Variants in ADAMTSL2 observed in about 807,000 individuals in gnomAD.
ADAMTSL2 encodes ADAMTS-like protein 2.
In ADAMTSL2, 55 loss-of-function variants were observed where a neutral mutation model predicts 117.0. The ratio of observed to expected loss-of-function variants is 0.47; its 90% CI spans 0.38 to 0.59. The LOEUF (loss-of-function observed/expected upper bound fraction) is 0.59, where lower values mean the gene tolerates loss of function less well. Ranked by LOEUF, ADAMTSL2 falls within the 20% of genes least tolerant of loss-of-function variation. The pLI, the probability that ADAMTSL2 is intolerant of heterozygous loss-of-function variation, is 0.00. For synonymous variants in ADAMTSL2, 572 were observed against 566.4 expected, an observed-to-expected ratio of 1.01 and a Z score of -0.14; for missense variants, 1,182 against 1,354.5, an observed-to-expected ratio of 0.87 and a Z score of 2.00.
chr9:133,549,322 C>T (rs193240553), intron 9 of ADAMTSL2, among the ~76,000 whole-genome samples: 15 of 151,656 alleles, frequency 9.9e-5, no homozygotes, highest in African/African-American at 3.4e-4. Flanking sequence ...CCTTCTTCTG[C>T]GACGCCCTCT....
At chr9:133,549,585 A>C (rs1440986626) in intron 9 of ADAMTSL2, among the ~76,000 whole-genome samples, 1 of 132,636 alleles carries the variant, frequency 7.5e-6, no homozygotes, top group African/African-American at 2.9e-5. Context: ...GGGTCTTGCT[A>C]TGTTGTCCAG....
chr9:133,539,539 C>T (rs775647509), intron 4 of ADAMTSL2, among the ~76,000 whole-genome samples: 12 of 141,744 alleles, frequency 8.5e-5, no homozygotes, highest in East Asian at 4.4e-4. Flanking sequence ...CTAGAGTAGG[C>T]GGAGGGCTGG....
rs761886575 is a variant in ADAMTSL2, at chr9:133,540,684, G to A, written c.499G>A (p.Asp167Asn). 24 of 1,613,682 alleles carry A rather than the reference G, an allele frequency of 1.5e-5. No individual in the cohort carries two copies. Among genetic ancestry groups the A allele is most frequent in the South Asian group, 2.2e-5 (2 of 91,088 alleles). Residue 167 changes from aspartate to asparagine, a missense_variant, in exon 6 of 19, where the codon GAC (aspartate) becomes AAC (asparagine). Physicochemically the swap from Asp to Asn is conservative, Grantham distance 23 (BLOSUM62 1). Coordinates refer to ENST00000651351, the MANE Select transcript of ADAMTSL2 (RefSeq NM_014694.4). ...GCGGCAGCTCATGGTCCCCGCCCGC[G>A]ACGGCACATCCTGCAAGCTCACTGA... ...GQRQLMVPAR[D>N]GTSCKLTDLR... is the part of the protein sequence containing the mutation.
chr9:133,556,833 C>T (rs1338541764), intron 11 of ADAMTSL2, among the ~76,000 whole-genome samples: 5 of 152,196 alleles, frequency 3.3e-5, no homozygotes, highest in African/African-American at 1.2e-4. Flanking sequence ...CCTGTCGTGT[C>T]CCTACTGGAG....
chr9:133,533,868 G>T (rs1367765706), upstream of ADAMTSL2, among the ~76,000 whole-genome samples: 1 of 152,234 alleles, frequency 6.6e-6, no homozygotes, highest in Non-Finnish European at 1.5e-5. Context: ...GTTTGCCGAG[G>T]ATGGGCTCTG....
chr9:133,561,400 C>A, intron 12 of ADAMTSL2, 105 bp downstream of exon 12: 1 of 1,062,630 alleles, frequency 9.4e-7, no homozygotes, highest in Non-Finnish European at 1.4e-6. Context: ...CCCCAAACTG[C>A]CCTCGGGGTG....
At chr9:133,566,904 G>A in intron 12 of ADAMTSL2, 32 bp from the exon 13 acceptor site, 1 of 1,594,138 alleles carries the variant, frequency 6.3e-7, no homozygotes, top group Non-Finnish European at 8.5e-7. Flanking sequence ...GTGCCGGCAT[G>A]GCTCACAGAC....
rs752829560 is a variant in ADAMTSL2 at position 133,547,252 on chromosome 9, GGGCACTGTT to G, written c.939+40_939+48del. 12 of 1,593,148 alleles carry G rather than the reference GGGCACTGTT, an allele frequency of 7.5e-6. No individual in the cohort carries two copies. In the East Asian group the frequency reaches 2.5e-4, roughly 33 times the overall value. Reference sequence around the variant, plus strand: ...AGGCCTTGGGGGCCCCAGGGGCCCTGGGCACTGTTTCCCCAGAATCCAGCCACAGGTGAG... The same window carrying G: ...AGGCCTTGGGGGCCCCAGGGGCCCTGTCCCCAGAATCCAGCCACAGGTGAG... On this transcript the variant is annotated intron_variant, in intron 9 of 18. Transcript: ENST00000651351.
intron 7 of ADAMTSL2, among the ~76,000 whole-genome samples, chr9:133,544,126 C>T (rs975090356): frequency 7.9e-5 from 12 of 152,338 alleles, no homozygotes; most frequent in East Asian, 5.8e-4. Context: ...GGGGCTCCAT[C>T]GGCTGCCCAG....
Position 133,568,306 on chromosome 9 carries a change from C to A in ADAMTSL2, c.1908C>A (p.Arg636=). 1 of 1,577,192 alleles carries A rather than the reference C, an allele frequency of 6.3e-7. No individual in the cohort carries two copies. The highest frequency in any genetic ancestry group is 8.6e-7 in the Non-Finnish European group (1 of 1,162,568). Residue 636 remains arginine (R), a synonymous_variant, in exon 14 of 19, where the codon CGC becomes CGA. Coordinates refer to ENST00000651351, the MANE Select transcript of ADAMTSL2 (RefSeq NM_014694.4). ...WETSSWSECS[R]TCGEGYQFRV... ...CGAGCAGCTGGAGCGAGTGTTCGCG[C>A]ACCTGCGGAGAGGGCTACCAGTTCC... is the stretch of plus-strand genomic sequence containing the variant.
At chr9:133,565,714 C>T (rs1263773765) in intron 12 of ADAMTSL2, among the ~76,000 whole-genome samples, 4 of 152,210 alleles carry the variant, frequency 2.6e-5, no homozygotes, top group African/African-American at 7.2e-5. Context: ...TGCAGACACA[C>T]GCCGCCGGGC....
At chr9:133,546,528 G>T (rs954383451) in intron 8 of ADAMTSL2, among the ~76,000 whole-genome samples, 1 of 152,170 alleles carries the variant, frequency 6.6e-6, no homozygotes, top group Non-Finnish European at 1.5e-5. Context: ...CTCTGCTCCC[G>T]TGGAGAGGTT....
chr9:133,543,127 A>T (rs188160739), intron 7 of ADAMTSL2, among the ~76,000 whole-genome samples: 3,834 of 151,738 alleles, frequency 0.025, 170 homozygotes, highest in African/African-American at 0.086. Context: ...TTTTTTTTGC[A>T]TTTTTAGTAG....
At chr9:133,533,691 A>G (rs1262371305), upstream of ADAMTSL2, among the ~76,000 whole-genome samples, 1 of 152,166 alleles carries the variant, frequency 6.6e-6, no homozygotes, top group Non-Finnish European at 1.5e-5. Context: ...GGAACTCACA[A>G]GTTTCTTCCA....
At chr9:133,534,944 C>T (rs1830015826) in intron 1 of ADAMTSL2, 27 bp downstream of exon 1, 2 of 1,373,392 alleles carry the variant, frequency 1.5e-6, no homozygotes, top group South Asian at 1.6e-5. Context: ...CCGTCCCCCT[C>T]ACGTTGCAGC....
intron 9 of ADAMTSL2, among the ~76,000 whole-genome samples, chr9:133,552,465 C>T (rs1830509330): frequency 6.6e-6 from 1 of 152,148 alleles, no homozygotes; most frequent in South Asian, 2.1e-4. Flanking sequence ...GGTCCAGATG[C>T]CTTTATAGTG....
At position 133,555,631 on chromosome 9, in the gene ADAMTSL2, G is replaced by A. The variant is rs1830588335; in HGVS notation, c.1350G>A (p.Gln450=). ...AGGTTGACACCCACTTCGCCTCCCA[G>A]GAGTTCTTCTCGGCTAACGCCATCT... ...DEEVDTHFAS[Q]EFFSANAISD... Residue 450 remains glutamine (Q), a synonymous_variant, in exon 11 of 19, where the codon CAG becomes CAA. Transcript: ENST00000651351. The A allele has an allele frequency of 3.3e-5, 53 of 1,613,586 alleles. No individual in the cohort carries two copies. The highest frequency in any genetic ancestry group is 2.2e-4 in the South Asian group (20 of 91,082).
rs189238070 is a variant in ADAMTSL2 at position 133,541,084 on chromosome 9, C to T, written c.682+83C>T. The T allele has an allele frequency of 1.4e-4, 213 of 1,542,226 alleles. No individual in the cohort carries two copies. The East Asian group carries it at 4.1e-3, about 30-fold the overall frequency. ...TGAGTGTGCTCCTGTCTGCAGCCTC[C>T]TGTGTACCACTGGGCAAGTTCTTCC... On this transcript the variant is annotated intron_variant, in intron 7 of 18. Transcript: ENST00000651351.
intron 1 of ADAMTSL2, 89 bp downstream of exon 1, chr9:133,535,006 C>A: frequency 7.7e-7 from 1 of 1,300,546 alleles, no homozygotes; most frequent in South Asian, 2.2e-5. Context: ...AGGAGCACCC[C>A]GCGCCCTCTG....
Sources: gnomAD v4.1 joint callset for allele counts (sites outside exome capture counted in the v4.1 genomes callset) on GRCh38, gnomAD v4.1.1 for gene constraint, MANE v1.5 for transcripts, NCBI Gene and HGNC (gene_info 2026-07-23, HGNC 2026-07-21) for gene names.